The following COA1 variants were observed in gnomAD, a reference collection of about 807,000 sequenced individuals.
COA1 encodes the protein cytochrome c oxidase assembly factor 1 homolog.
Under a neutral mutation model 16.0 loss-of-function variants are expected in COA1, and 13 were observed. The ratio of observed to expected loss-of-function variants is 0.81; its 90% CI spans 0.53 to 1.29. The LOEUF is 1.29. Ranked by LOEUF, COA1 falls within the 50% of genes most tolerant of loss-of-function variation. The pLI is 0.00. For missense variants in COA1, 179 were observed against 177.0 expected, an observed-to-expected ratio of 1.01 and a Z score of -0.06; for synonymous variants, 65 against 65.7, an observed-to-expected ratio of 0.99 and a Z score of 0.05.
At chr7:43,619,545 G>C in intron 6 of COA1, 2 of 1,585,938 alleles carry the variant, frequency 1.3e-6, no homozygotes, top group South Asian at 1.2e-5. Flanking sequence ...TGCATGTTTT[G>C]TGTACTTAAT....
chr7:43,698,398 T>TAA (rs2094595309), intron 1 of COA1, among the ~76,000 whole-genome samples: 2 of 152,194 alleles, frequency 1.3e-5, no homozygotes, highest in South Asian at 4.1e-4. Context: ...GATGCAGAGG[T>TAA]ATAAGACCAG....
chr7:43,679,326 T>G (rs1318073705), intron 1 of COA1, among the ~76,000 whole-genome samples: 4 of 137,392 alleles, frequency 2.9e-5, no homozygotes, highest in African/African-American at 1.1e-4. Flanking sequence ...AAAAAAAAAG[T>G]ACAAGGAGAA....
rs768041971 is a variant in COA1, at chr7:43,623,887, GAGTA to G, written c.*134-14396_*134-14393del. On this transcript the variant is annotated intron_variant and NMD_transcript_variant, in intron 6 of 6. Transcript: ENST00000415076. ...CAGGACACTTTTAGTTAAGAAACCT[GAGTA>G]AGTATTATTTTTATTAGTTTAATAT... 21 of 1,509,978 alleles carry G rather than the reference GAGTA, an allele frequency of 1.4e-5. No individual in the cohort carries two copies. In the South Asian group the frequency reaches 1.7e-4, roughly 12 times the overall value. 93.5% of individuals were successfully genotyped at this position (1,509,978 alleles called of 1,614,324 possible).
intron 1 of COA1, among the ~76,000 whole-genome samples, chr7:43,721,923 G>C (rs2095512886): frequency 6.6e-6 from 1 of 152,084 alleles, no homozygotes; most frequent in Admixed American, 6.6e-5. Context: ...ACATTAGAAA[G>C]ATTCTAATGT....
At chr7:43,717,837 G>A (rs893035576) in intron 1 of COA1, among the ~76,000 whole-genome samples, 2 of 152,144 alleles carry the variant, frequency 1.3e-5, no homozygotes, top group African/African-American at 2.4e-5. Context: ...CTTTTCTTGT[G>A]GTAGTGAATA....
At chr7:43,708,796 T>C (rs1432188470) in intron 1 of COA1, among the ~76,000 whole-genome samples, 4 of 152,128 alleles carry the variant, frequency 2.6e-5, no homozygotes, top group African/African-American at 9.7e-5. Context: ...TGATTTGTAG[T>C]CCTTCCCATA....
At chr7:43,616,673 G>A (rs188360382) in intron 6 of COA1, among the ~76,000 whole-genome samples, 102 of 152,234 alleles carry the variant, frequency 6.7e-4, no homozygotes, top group African/African-American at 2.1e-3. Flanking sequence ...TGAGACGGGC[G>A]GATCACGAGG....
intron 1 of COA1, among the ~76,000 whole-genome samples, chr7:43,679,397 G>A (rs1201344270): frequency 6.6e-6 from 1 of 151,670 alleles, no homozygotes; most frequent in Non-Finnish European, 1.5e-5. Context: ...ATCTTTATTG[G>A]TCATGGGAAA....
chr7:43,664,127 G>GAGAGAGAGAGAGAGAGATAGAGAGAGAT (rs1231238244), intron 1 of COA1, among the ~76,000 whole-genome samples: 1 of 150,670 alleles, frequency 6.6e-6, no homozygotes, highest in African/African-American at 2.5e-5. Context: ...GAGAGAGAGA[G>GAGAGAGAGAGAGAGAGATAGAGAGAGAT]AGAGTCTTGC....
downstream of COA1, among the ~76,000 whole-genome samples, chr7:43,636,553 T>G (rs750814856): frequency 2.6e-5 from 4 of 152,190 alleles, no homozygotes; most frequent in Non-Finnish European, 5.9e-5. Flanking sequence ...AACTGCCGCT[T>G]CTTGAGCATT....
At chr7:43,644,737 GATA>G in intron 4 of COA1, among the ~76,000 whole-genome samples, 1 of 100,860 alleles carries the variant, frequency 9.9e-6, no homozygotes, top group Admixed American at 1.2e-4. Context: ...TAGATAGATA[GATA>G]GATAGATAGA....
At chr7:43,677,551 C>T (rs938023006) in intron 1 of COA1, among the ~76,000 whole-genome samples, 5 of 152,106 alleles carry the variant, frequency 3.3e-5, no homozygotes, top group African/African-American at 1.2e-4. Context: ...GTAATCCCAG[C>T]ACTTTGGGAG....
chr7:43,648,457 C>A (rs2090042564), intron 2 of COA1, 143 bp downstream of exon 2: 3 of 870,320 alleles, frequency 3.4e-6, no homozygotes, highest in Non-Finnish European at 5.9e-6. Context: ...ATGCCCATCC[C>A]TCCTGTGAAG....
chr7:43,729,311 G>C (rs1401498828), intron 1 of COA1, 118 bp downstream of exon 1: 1 of 152,298 alleles, frequency 6.6e-6, no homozygotes, highest in African/African-American at 2.4e-5. Context: ...GATGTGACCC[G>C]TGAGGGAACT....
At chr7:43,647,703 G>A in intron 2 of COA1, 69 bp from the exon 3 acceptor site, 5 of 1,190,178 alleles carry the variant, frequency 4.2e-6, no homozygotes, top group Non-Finnish European at 6.1e-6. Context: ...TGCCCGGCTT[G>A]GACCCCTAAA....
downstream of COA1, among the ~76,000 whole-genome samples, chr7:43,634,709 A>G (rs2085575440): frequency 1.3e-5 from 2 of 152,164 alleles, no homozygotes; most frequent in South Asian, 4.1e-4. Context: ...GATTGGGGCC[A>G]TGGGTTTTTC....
At chr7:43,652,567 G>A (rs1173851662) in intron 1 of COA1, among the ~76,000 whole-genome samples, 1 of 152,186 alleles carries the variant, frequency 6.6e-6, no homozygotes, top group African/African-American at 2.4e-5. Context: ...TCTCCACTGA[G>A]CCAAGACCAT....
At chr7:43,700,409 CAT>C (rs2094681855) in intron 1 of COA1, among the ~76,000 whole-genome samples, 1 of 151,898 alleles carries the variant, frequency 6.6e-6, no homozygotes. Context: ...TGATTTGTCT[CAT>C]AGAAAATTCT....
At chr7:43,707,892 A>G (rs932854748) in intron 1 of COA1, among the ~76,000 whole-genome samples, 1 of 152,238 alleles carries the variant, frequency 6.6e-6, no homozygotes, top group East Asian at 1.9e-4. Flanking sequence ...TTACAAAGTC[A>G]CAGAGCATGC....
Sources: gnomAD v4.1 joint callset for allele counts (sites outside exome capture counted in the v4.1 genomes callset) on GRCh38, gnomAD v4.1.1 for gene constraint, MANE v1.5 for transcripts, NCBI Gene and HGNC (gene_info 2026-07-23, HGNC 2026-07-21) for gene names.